The following RBFOX1 variants were observed in gnomAD, a reference collection of about 807,000 sequenced individuals.
RBFOX1 encodes RNA binding fox-1 homolog 1.
In RBFOX1, 8 loss-of-function variants were observed where a neutral mutation model predicts 57.7. The observed-to-expected ratio is 0.14, with a 90% confidence interval of 0.08 to 0.25. The LOEUF (loss-of-function observed/expected upper bound fraction) is 0.25. Among genes scored for constraint, RBFOX1 ranks in the 10% least tolerant of loss-of-function variants. RBFOX1 has a pLI of 1.00. For missense variants in RBFOX1, 611 were observed against 548.5 expected (o/e 1.11, Z -1.14); for synonymous variants, 326 against 222.4 (o/e 1.47, Z -4.15).
chr16:6,027,397 A>C (rs1428560227), intron 1 of RBFOX1, among the ~76,000 whole-genome samples: 1 of 152,172 alleles, frequency 6.6e-6, no homozygotes, highest in Non-Finnish European at 1.5e-5. Context: ...AGGCACCATG[A>C]TAAGGTACTA....
chr16:6,282,387 T>G (rs2076480843), intron 1 of RBFOX1, among the ~76,000 whole-genome samples: 1 of 146,534 alleles, frequency 6.8e-6, no homozygotes, highest in Non-Finnish European at 1.5e-5. Flanking sequence ...TAATTTTACT[T>G]TAAGTTCTGG....
intron 3 of RBFOX1, among the ~76,000 whole-genome samples, chr16:6,956,635 G>C (rs1302787714): frequency 6.6e-6 from 1 of 152,174 alleles, no homozygotes; most frequent in Non-Finnish European, 1.5e-5. Context: ...TTCCCTTCTT[G>C]TGCCTGCTAT....
chr16:6,592,849 T>G (rs944889492), intron 2 of RBFOX1, among the ~76,000 whole-genome samples: 1 of 152,158 alleles, frequency 6.6e-6, no homozygotes, highest in African/African-American at 2.4e-5. Context: ...AGTTGCTGAT[T>G]AGCTGTTTTT....
At position 6,115,809 on chromosome 16, in the gene RBFOX1, C is replaced by A. The variant is rs74004771; in HGVS notation, c.-127+95817C>A. 2.2e-3 allele frequency among the ~76,000 whole-genome samples: 339 copies of A among 152,276 alleles called. 7 individuals carry two copies. Among genetic ancestry groups the A allele is most frequent in the African/African-American group, 7.3e-3 (303 of 41,552 alleles). ...CCTGGTCTACATTACATATGATAAT[C>A]TCCAGGGACTCAGGCCTCTGCTCTC... On this transcript the variant is annotated intron_variant, in intron 1 of 15. Coordinates refer to ENST00000550418, the MANE Select transcript of RBFOX1 (RefSeq NM_018723.4).
At chr16:6,803,131 C>G (rs1011385251) in intron 3 of RBFOX1, among the ~76,000 whole-genome samples, 4 of 150,190 alleles carry the variant, frequency 2.7e-5, no homozygotes, top group Admixed American at 1.3e-4. Flanking sequence ...CTAGACCATG[C>G]CTTGATTTTT....
chr16:6,837,583 G>C (rs190093803), intron 3 of RBFOX1, among the ~76,000 whole-genome samples: 35 of 152,270 alleles, frequency 2.3e-4, no homozygotes, highest in African/African-American at 8.2e-4. Context: ...CTGGTTTTGA[G>C]CCTCTACTGG....
At chr16:6,703,198 A>C (rs59023460) in intron 3 of RBFOX1, among the ~76,000 whole-genome samples, 9,503 of 152,086 alleles carry the variant, frequency 0.062, 682 homozygotes, top group East Asian at 0.39. Context: ...GGTTGTTTCC[A>C]CCTGTTGGCT....
At chr16:5,403,362 A>AC (rs1345566926) in intron 1 of RBFOX1, among the ~76,000 whole-genome samples, 15 of 118,744 alleles carry the variant, frequency 1.3e-4, no homozygotes, top group African/African-American at 6.7e-4. Context: ...AAAAAAAAAA[A>AC]AAAAACAAAA....
At chr16:5,840,381 C>T (rs533603647) in intron 3 of RBFOX1, among the ~76,000 whole-genome samples, 20 of 152,272 alleles carry the variant, frequency 1.3e-4, no homozygotes, top group African/African-American at 4.6e-4. Context: ...CTGTCCCCAG[C>T]GTCTGAGGGC....
At chr16:5,628,604 A>G (rs754348010) in intron 3 of RBFOX1, among the ~76,000 whole-genome samples, 2 of 152,344 alleles carry the variant, frequency 1.3e-5, no homozygotes, top group East Asian at 1.9e-4. Context: ...CTCTGTCTTC[A>G]TCTGCAATAA....
At chr16:7,438,860 C>G (rs1159949681) in intron 4 of RBFOX1, among the ~76,000 whole-genome samples, 1 of 152,156 alleles carries the variant, frequency 6.6e-6, no homozygotes, top group Non-Finnish European at 1.5e-5. Flanking sequence ...AAGCCTGATG[C>G]TCTGTCAATG....
At chr16:5,911,287 C>T (rs1030641137) in intron 4 of RBFOX1, among the ~76,000 whole-genome samples, 10 of 152,306 alleles carry the variant, frequency 6.6e-5, no homozygotes, top group Admixed American at 5.2e-4. Flanking sequence ...TCTGTTTTGA[C>T]TCCACACTTA....
chr16:7,383,493 G>A (rs2097821137), intron 4 of RBFOX1, among the ~76,000 whole-genome samples: 1 of 152,038 alleles, frequency 6.6e-6, no homozygotes, highest in Admixed American at 6.5e-5. Flanking sequence ...GGTGCCAGCT[G>A]AATTAATGAA....
chr16:7,672,804 T>A (rs1218533092), intron 13 of RBFOX1, among the ~76,000 whole-genome samples: 1 of 129,464 alleles, frequency 7.7e-6, no homozygotes, highest in African/African-American at 3.0e-5. Flanking sequence ...GAGACACAGA[T>A]TGCAGTGAGC....
chr16:5,360,729 C>G (rs1246242882), intron 1 of RBFOX1, among the ~76,000 whole-genome samples: 1 of 152,208 alleles, frequency 6.6e-6, no homozygotes, highest in Non-Finnish European at 1.5e-5. Flanking sequence ...GGCTAGAGAT[C>G]TCGACAGCTG....
At chr16:5,700,627 T>G (rs1299349880) in intron 3 of RBFOX1, among the ~76,000 whole-genome samples, 1 of 152,254 alleles carries the variant, frequency 6.6e-6, no homozygotes, top group East Asian at 1.9e-4. Flanking sequence ...TGTTTTCAAC[T>G]CTGGAAAATT....
intron 4 of RBFOX1, among the ~76,000 whole-genome samples, chr16:7,058,637 TTAAAC>T (rs144317461): frequency 0.018 from 2,665 of 152,278 alleles, 80 homozygotes; most frequent in African/African-American, 0.06. Flanking sequence ...CAAAAAAAGA[TTAAAC>T]TAATTAATGC....
intron 2 of RBFOX1, among the ~76,000 whole-genome samples, chr16:5,500,697 A>C (rs7188126): frequency 0.24 from 37,007 of 152,126 alleles, 7,383 homozygotes; most frequent in African/African-American, 0.55. Context: ...TGAATGCTTC[A>C]GATATGGTCC....
intron 4 of RBFOX1, among the ~76,000 whole-genome samples, chr16:5,914,746 A>C (rs1232463918): frequency 1.3e-5 from 2 of 152,096 alleles, no homozygotes; most frequent in East Asian, 3.9e-4. Flanking sequence ...AATACAAAAA[A>C]ATAGCGGGCA....
Sources: allele counts gnomAD v4.1 joint callset (sites outside exome capture counted in the v4.1 genomes callset), GRCh38; gene constraint gnomAD v4.1.1; transcripts MANE v1.5; gene names NCBI Gene and HGNC (gene_info 2026-07-23, HGNC 2026-07-21).